KDM4C: variants seen among roughly 807,000 people sequenced by gnomAD.
KDM4C encodes the protein lysine demethylase 4C.
In KDM4C, 81 loss-of-function variants were observed where a neutral mutation model predicts 129.3. That is an observed-to-expected ratio of 0.63 (90% CI 0.52 to 0.75). KDM4C has a LOEUF of 0.75. Among genes scored for constraint, KDM4C ranks in the 30% least tolerant of loss-of-function variants. The pLI is 0.00. For missense variants in KDM4C, 1,457 were observed against 1,304.0 expected, an observed-to-expected ratio of 1.12 and a Z score of -1.81; for synonymous variants, 573 against 456.1, an observed-to-expected ratio of 1.26 and a Z score of -3.26.
At chr9:6,747,536 A>G (rs181996272) in intron 1 of KDM4C, among the ~76,000 whole-genome samples, 7 of 94,072 alleles carry the variant, frequency 7.4e-5, no homozygotes, top group Non-Finnish European at 8.2e-5. Flanking sequence ...TGACAGGGCG[A>G]TTCAAAAAAA....
chr9:7,071,607 G>A (rs1436054079), intron 17 of KDM4C, among the ~76,000 whole-genome samples: 2 of 152,080 alleles, frequency 1.3e-5, no homozygotes, highest in East Asian at 1.9e-4. Context: ...CTCATTTTAT[G>A]TACAAAAATG....
intron 17 of KDM4C, among the ~76,000 whole-genome samples, chr9:7,057,587 C>A (rs991972620): frequency 6.6e-6 from 1 of 152,208 alleles, no homozygotes; most frequent in Non-Finnish European, 1.5e-5. Flanking sequence ...AGTTTGCACT[C>A]AAAGAACGTT....
intron 12 of KDM4C, among the ~76,000 whole-genome samples, chr9:7,003,414 A>G (rs575439169): frequency 2.4e-4 from 36 of 151,268 alleles, no homozygotes; most frequent in African/African-American, 8.2e-4. Flanking sequence ...CCTCAGAGGT[A>G]GCATAATTAT....
chr9:6,762,705 C>T (rs1438333762), intron 1 of KDM4C, among the ~76,000 whole-genome samples: 1 of 149,156 alleles, frequency 6.7e-6, no homozygotes, highest in Non-Finnish European at 1.5e-5. Flanking sequence ...GTTGCCCAGG[C>T]TGGAGTGCAG....
intron 5 of KDM4C, among the ~76,000 whole-genome samples, chr9:6,854,431 A>T (rs1275465211): frequency 1.3e-5 from 2 of 148,468 alleles, no homozygotes; most frequent in African/African-American, 5.0e-5. Flanking sequence ...AGACTGAGGA[A>T]GGAGAATTGC....
intron 17 of KDM4C, 47 bp downstream of exon 17, chr9:7,049,247 C>A (rs1354218669): frequency 1.9e-6 from 2 of 1,062,032 alleles, no homozygotes; most frequent in East Asian, 2.5e-5. Context: ...GTGTTAATTT[C>A]AAGTTCTGAA....
chr9:6,971,570 T>A (rs1197877751), intron 8 of KDM4C, among the ~76,000 whole-genome samples: 1 of 152,224 alleles, frequency 6.6e-6, no homozygotes, highest in Non-Finnish European at 1.5e-5. Context: ...ACATCAATGA[T>A]GATTCTACAT....
chr9:6,986,581 A>T lies in KDM4C; in HGVS notation c.1592A>T (p.Asp531Val). ...GTGTTAACAGAGGGAGAAGAGAGTG[A>T]TGTGGAGAGCCATGGGAATGGCCTT... ...NGVLTEGEES[D>V]VESHGNGLEP... is the part of the protein sequence containing the mutation. The change falls in exon 11 of 22, where the codon GAT (aspartate) becomes GTT (valine). Residue 531 changes from aspartate (D) to valine (V), a missense_variant. By Grantham distance (152) the Asp-to-Val change is radical. Coordinates refer to ENST00000381309, the MANE Select transcript of KDM4C (RefSeq NM_015061.6). 6.2e-7 allele frequency: 1 copy of T among 1,614,088 alleles called. No homozygotes were observed. Among genetic ancestry groups the T allele is most frequent in the East Asian group, 2.2e-5 (1 of 44,878 alleles).
At chr9:6,980,251 C>G (rs1816535646) in intron 8 of KDM4C, among the ~76,000 whole-genome samples, 1 of 152,122 alleles carries the variant, frequency 6.6e-6, no homozygotes, top group Non-Finnish European at 1.5e-5. Context: ...TAAGATGTGA[C>G]TGATAACTAT....
At chr9:7,143,235 G>T (rs1211002358) in intron 19 of KDM4C, among the ~76,000 whole-genome samples, 5 of 152,208 alleles carry the variant, frequency 3.3e-5, no homozygotes, top group African/African-American at 9.6e-5. Context: ...ATCAGTGGGT[G>T]TCTGTTTCAA....
intron 12 of KDM4C, among the ~76,000 whole-genome samples, chr9:7,005,867 A>C (rs1185247240): frequency 1.3e-5 from 2 of 152,194 alleles, no homozygotes; most frequent in Admixed American, 6.5e-5. Context: ...TGCATGAATG[A>C]AGCATTATTT....
chr9:7,175,569 C>G lies in KDM4C; in HGVS notation c.*840C>G, dbSNP rs1845362646. ...ATATGCTTTGATGCATAGTTTTGAA[C>G]TAATGTAACATGATTTTTCTTTTTT... On this transcript the variant is annotated 3_prime_UTR_variant, in exon 22 of 22. Coordinates refer to ENST00000381309, the MANE Select transcript of KDM4C (RefSeq NM_015061.6). The G allele has an allele frequency of 6.6e-6, 1 of 152,482 alleles. No homozygotes were observed. The allele number at this position is 152,482 out of a possible 1,614,324, so 9.4% of individuals were successfully genotyped here.
intron 2 of KDM4C, among the ~76,000 whole-genome samples, chr9:6,804,208 T>A (rs773228064): frequency 1.4e-4 from 21 of 152,242 alleles, no homozygotes; most frequent in Admixed American, 2.0e-4. Context: ...ATTAAGTACT[T>A]AAATACTGCA....
chr9:6,773,770 C>CAA (rs963946653), intron 1 of KDM4C, among the ~76,000 whole-genome samples: 3 of 77,236 alleles, frequency 3.9e-5, no homozygotes, highest in Non-Finnish European at 2.8e-5. Flanking sequence ...GACTCTGTCT[C>CAA]AAAAAAAAAA....
intron 11 of KDM4C, among the ~76,000 whole-genome samples, chr9:6,988,194 A>T (rs1032978185): frequency 1.3e-5 from 2 of 150,332 alleles, no homozygotes; most frequent in Non-Finnish European, 3.0e-5. Flanking sequence ...AGGAAAAAAA[A>T]TTTGCAACTT....
At position 7,113,465 on chromosome 9, in the gene KDM4C, T is replaced by A. The variant is rs1054765441; in HGVS notation, c.2610+9595T>A. ...CCCATTAAACATTTTTGAACCCTAT[T>A]CAGAACCCCCTAATTTGTTTTCCCA... On this transcript the variant is annotated intron_variant, in intron 18 of 21. Coordinates refer to ENST00000381309, the MANE Select transcript of KDM4C (RefSeq NM_015061.6). 3.3e-5 allele frequency among the ~76,000 whole-genome samples: 5 copies of A among 152,200 alleles called. 1 individual carries two copies. Among genetic ancestry groups the A allele is most frequent in the African/African-American group, 1.2e-4 (5 of 41,448 alleles).
At chr9:7,164,230 T>A (rs1844117825) in intron 19 of KDM4C, among the ~76,000 whole-genome samples, 1 of 152,188 alleles carries the variant, frequency 6.6e-6, no homozygotes, top group Non-Finnish European at 1.5e-5. Flanking sequence ...AAGTATTTAA[T>A]TCCCTTGTAT....
intron 17 of KDM4C, among the ~76,000 whole-genome samples, chr9:7,070,346 T>G (rs1338061158): frequency 1.3e-5 from 2 of 152,158 alleles, no homozygotes; most frequent in Admixed American, 6.5e-5. Flanking sequence ...ACCTAAACAC[T>G]TTTAAAAAAT....
intron 3 of KDM4C, among the ~76,000 whole-genome samples, chr9:6,807,861 C>G (rs1414255474): frequency 1.4e-5 from 2 of 145,396 alleles, no homozygotes; most frequent in Non-Finnish European, 3.0e-5. Flanking sequence ...AGCCCCCCAA[C>G]CTGGCCAGCC....
Sources: gnomAD v4.1 joint callset for allele counts (sites outside exome capture counted in the v4.1 genomes callset) on GRCh38, gnomAD v4.1.1 for gene constraint, MANE v1.5 for transcripts, NCBI Gene and HGNC (gene_info 2026-07-23, HGNC 2026-07-21) for gene names.